The following GLCCI1 variants were observed in gnomAD, a reference collection of about 807,000 sequenced individuals.
The protein encoded by GLCCI1 is glucocorticoid-induced transcript 1 protein.
A neutral mutation model predicts 52.2 loss-of-function variants in GLCCI1; 24 were observed. The ratio of observed to expected loss-of-function variants is 0.46; its 90% CI spans 0.33 to 0.65. The LOEUF (loss-of-function observed/expected upper bound fraction) is 0.65, where lower values mean the gene tolerates loss of function less well. GLCCI1 is among the 30% of genes least tolerant of loss of function. The probability of loss-of-function intolerance (pLI) is 0.02; values close to 1 mark genes in which losing one functional copy is unlikely to be tolerated. For missense variants in GLCCI1, 704 were observed against 701.5 expected, an observed-to-expected ratio of 1.00 and a Z score of -0.04; for synonymous variants, 310 against 276.5, an observed-to-expected ratio of 1.12 and a Z score of -1.20.
intron 3 of GLCCI1, among the ~76,000 whole-genome samples, chr7:8,032,999 A>G (rs62433408): frequency 0.054 from 8,183 of 152,070 alleles, 348 homozygotes; most frequent in East Asian, 0.19. Flanking sequence ...ATATAAAATT[A>G]TTAATAAAAT....
At chr7:8,026,715 A>G (rs561397525) in intron 3 of GLCCI1, among the ~76,000 whole-genome samples, 114 of 152,384 alleles carry the variant, frequency 7.5e-4, no homozygotes, top group African/African-American at 2.6e-3. Flanking sequence ...GTGCCTGTGC[A>G]TGGAGGGAAC....
rs1156842111 is a variant in GLCCI1, at chr7:8,065,290, A to G, written c.966+5042A>G. On this transcript the variant is annotated intron_variant, in intron 5 of 7. Transcript: ENST00000223145. The stretch of plus-strand genomic sequence containing the variant: ...CTTTGCTGAAGTTGTTTATCAGATC[A>G]AGGAGCTTTTGGGTAGAGACTATGG... Among the ~76,000 whole-genome samples the G allele has an allele frequency of 2.6e-5, 4 of 152,216 alleles. No homozygotes were observed. In the East Asian group the frequency reaches 5.8e-4, roughly 22 times the overall value.
intron 5 of GLCCI1, among the ~76,000 whole-genome samples, chr7:8,064,417 G>A (rs1188928513): frequency 6.6e-6 from 1 of 152,116 alleles, no homozygotes; most frequent in Non-Finnish European, 1.5e-5. Context: ...GGTTACAGGT[G>A]TGCAGTATTA....
chr7:8,024,511 G>C (rs1380973030), intron 3 of GLCCI1, among the ~76,000 whole-genome samples: 1 of 152,222 alleles, frequency 6.6e-6, no homozygotes, highest in East Asian at 1.9e-4. Context: ...AGGCTGAAAG[G>C]AAGTAACGCC....
chr7:8,005,102 C>T (rs980343955), intron 2 of GLCCI1, among the ~76,000 whole-genome samples: 1 of 152,106 alleles, frequency 6.6e-6, no homozygotes, highest in African/African-American at 2.4e-5. Flanking sequence ...ATATGGCAGG[C>T]AGTGGAATTT....
intron 1 of GLCCI1, among the ~76,000 whole-genome samples, chr7:7,986,791 A>G (rs1337354675): frequency 1.3e-5 from 2 of 152,178 alleles, no homozygotes; most frequent in African/African-American, 4.8e-5. Flanking sequence ...GTTAAGAGAT[A>G]TTCAGACCTA....
chr7:8,053,784 C>T (rs1782322874), intron 3 of GLCCI1, among the ~76,000 whole-genome samples: 3 of 152,034 alleles, frequency 2.0e-5, no homozygotes, highest in African/African-American at 2.4e-5. Context: ...CTAATTCCCA[C>T]GGGATTGTAA....
chr7:8,004,129 G>A, intron 2 of GLCCI1, 70 bp downstream of exon 2: 16 of 1,314,782 alleles, frequency 1.2e-5, no homozygotes, highest in Non-Finnish European at 1.5e-5. Flanking sequence ...TAAAGAAAAT[G>A]TAATATAATC....
chr7:7,969,957 T>G lies in GLCCI1; in HGVS notation c.457+150T>G. 9.4e-7 allele frequency: 1 copy of G among 1,068,750 alleles called. No homozygotes were observed. The highest frequency in any genetic ancestry group is 1.2e-6 in the Non-Finnish European group (1 of 865,708). The allele number at this position is 1,068,750 out of a possible 1,614,324, so 66.2% of individuals were successfully genotyped here. Reference sequence around the variant, plus strand: ...GAATCTCACCCCCCTGCGGTCGCTGTGGGGCTTGGAGGAGCGAACTGAAAA... The same window carrying G: ...GAATCTCACCCCCCTGCGGTCGCTGGGGGGCTTGGAGGAGCGAACTGAAAA... On this transcript the variant is annotated intron_variant, in intron 1 of 7. Coordinates refer to ENST00000223145, the MANE Select transcript of GLCCI1 (RefSeq NM_138426.4). This position sits in a 1 kb window ranked among gnomAD's most constrained non-coding sequence, Gnocchi z 4.9.
At chr7:8,070,790 G>T (rs1584019180) in intron 5 of GLCCI1, 131 bp from the exon 6 acceptor site, 1 of 700,050 alleles carries the variant, frequency 1.4e-6, no homozygotes, top group Non-Finnish European at 2.4e-6. Context: ...ACACAAGCTT[G>T]GTCTTTAGCC....
intron 1 of GLCCI1, 129 bp from the exon 2 acceptor site, chr7:8,003,779 G>C (rs1583963009): frequency 1.4e-6 from 1 of 697,290 alleles, no homozygotes; most frequent in East Asian, 2.7e-5. Context: ...TCATACAACA[G>C]GGCTATTAGT....
intron 1 of GLCCI1, among the ~76,000 whole-genome samples, chr7:7,980,026 C>T (rs1345409995): frequency 6.6e-6 from 1 of 152,178 alleles, no homozygotes; most frequent in Non-Finnish European, 1.5e-5. Context: ...ACCTCTGCCT[C>T]CTGCCTCAGC....
rs555180156 is a variant in GLCCI1, at chr7:8,053,561, C to T, written c.697-1872C>T. Among the ~76,000 whole-genome samples, 11 of 150,406 alleles carry T rather than the reference C, an allele frequency of 7.3e-5. No individual in the cohort carries two copies. In the South Asian group the frequency reaches 1.7e-3, roughly 23 times the overall value. On this transcript the variant is annotated intron_variant, in intron 3 of 7. Transcript: ENST00000223145. ...TGTTGGCCAGGCTGGTCTTCAACTG[C>T]TGATCCACCTGCCTCAGCCTCCCAG... is the stretch of plus-strand genomic sequence containing the variant.
At chr7:8,062,650 G>C (rs1406242521) in intron 5 of GLCCI1, among the ~76,000 whole-genome samples, 1 of 152,086 alleles carries the variant, frequency 6.6e-6, no homozygotes, top group Non-Finnish European at 1.5e-5. Context: ...CCTGATATCT[G>C]TTGTTCCCTT....
chr7:8,019,028 T>C (rs1013343904), intron 2 of GLCCI1, among the ~76,000 whole-genome samples: 6 of 152,226 alleles, frequency 3.9e-5, no homozygotes, highest in Non-Finnish European at 7.3e-5. Flanking sequence ...ATACACAGGT[T>C]TAATAAATTG....
chr7:8,009,796 C>T (rs114069642), intron 2 of GLCCI1, among the ~76,000 whole-genome samples: 3,818 of 151,592 alleles, frequency 0.025, 167 homozygotes, highest in African/African-American at 0.085. Flanking sequence ...AAAGTATAAC[C>T]CTTTTAAACA....
At chr7:8,015,982 G>C (rs1781368980) in intron 2 of GLCCI1, among the ~76,000 whole-genome samples, 1 of 152,120 alleles carries the variant, frequency 6.6e-6, no homozygotes, top group Non-Finnish European at 1.5e-5. Flanking sequence ...AGGTAAAATT[G>C]TGAAATAGGT....
At position 8,086,299 on chromosome 7, in the gene GLCCI1, C is replaced by T. The variant is rs1445602572; in HGVS notation, c.1405C>T (p.Leu469Phe). The T allele has an allele frequency of 6.2e-7, 1 of 1,614,088 alleles. No individual in the cohort carries two copies. Among genetic ancestry groups the T allele is most frequent in the Non-Finnish European group, 8.5e-7 (1 of 1,179,950 alleles). The change falls in exon 8 of 8, where the codon CTC (leucine) becomes TTC (phenylalanine). Residue 469 changes from leucine to phenylalanine, a missense_variant. Leu to Phe is a conservative substitution (Grantham distance 22). Transcript: ENST00000223145. The surrounding 1 kb of genome is among the most constrained non-coding windows in gnomAD (Gnocchi z 4.4). ...CTGTCCTGTAAAACTTCTAGGCCCCCTCTTACCTGCTTCTGACCTTATGCT... is the reference window on the plus strand; with the variant it reads ...CTGTCCTGTAAAACTTCTAGGCCCCTTCTTACCTGCTTCTGACCTTATGCT... ...AFCPVKLLGPLLPASDLMLKN... is the reference protein window; with the variant it reads ...AFCPVKLLGPFLPASDLMLKN...
chr7:8,069,637 A>G (rs1331695289), intron 5 of GLCCI1, among the ~76,000 whole-genome samples: 2 of 152,084 alleles, frequency 1.3e-5, no homozygotes, highest in African/African-American at 4.8e-5. Context: ...CAGTGCAAGT[A>G]AAGCCCTCGG....
Sources: gnomAD v4.1 joint callset for allele counts (sites outside exome capture counted in the v4.1 genomes callset) on GRCh38, gnomAD v4.1.1 for gene constraint, Gnocchi (gnomAD v3.1) non-coding constraint, MANE v1.5 for transcripts, NCBI Gene and HGNC (gene_info 2026-07-23, HGNC 2026-07-21) for gene names.